ABCC2: variants seen among roughly 807,000 people sequenced by gnomAD.
The protein encoded by ABCC2 is ATP-binding cassette sub-family C member 2.
In ABCC2, 157 loss-of-function variants were observed where a neutral mutation model predicts 173.4. The ratio of observed to expected loss-of-function variants is 0.91; its 90% confidence interval spans 0.80 to 1.03. The LOEUF is 1.03. Ranked by LOEUF, ABCC2 falls within the 50% of genes least tolerant of loss-of-function variation. The probability of loss-of-function intolerance (pLI) is 0.00; values close to 1 mark genes in which losing one functional copy is unlikely to be tolerated. For missense variants in ABCC2, 1,822 were observed against 1,852.3 expected (o/e 0.98, Z 0.30); for synonymous variants, 657 against 693.5 (o/e 0.95, Z 0.83).
Position 99,819,202 on chromosome 10 carries a change from A to T in ABCC2, c.2553A>T (p.Lys851Asn). 6.2e-7 allele frequency: 1 copy of T among 1,614,194 alleles called. No homozygotes were observed. Among genetic ancestry groups the T allele is most frequent in the Non-Finnish European group, 8.5e-7 (1 of 1,180,038 alleles). ...GATCCTACAGTGCTCTCCTGGCCAA[A>T]AAAGGAGAGTTTGCTAAGAATCTGA... is the stretch of plus-strand genomic sequence containing the variant. ...EKGSYSALLAKKGEFAKNLKT... is the reference protein window; with the variant it reads ...EKGSYSALLANKGEFAKNLKT... Residue 851 changes from lysine to asparagine, a missense_variant, in exon 19 of 32, where the codon AAA becomes AAT. By Grantham distance (94) the Lys-to-Asn change is moderately conservative. Coordinates refer to ENST00000647814, the MANE Select transcript of ABCC2 (RefSeq NM_000392.5).
rs1418736265 is a variant in ABCC2 at position 99,817,623 on chromosome 10, G to A, written c.2271+139G>A. 4 of 956,722 alleles carry A rather than the reference G, an allele frequency of 4.2e-6. No individual in the cohort carries two copies. The African/African-American group carries it at 6.5e-5, about 15-fold the overall frequency. 59.3% of individuals were successfully genotyped at this position (956,722 alleles called of 1,614,324 possible). A position where few individuals can be genotyped will look rare whatever the true frequency, so the allele number is the denominator to read the frequency against. ...ATTTGGAATAAACACCAGAAATCAT[G>A]TGTTTGTACTAAGTGGCCACAATAT... On this transcript the variant is annotated intron_variant, in intron 17 of 31. Coordinates refer to ENST00000647814, the MANE Select transcript of ABCC2 (RefSeq NM_000392.5).
chr10:99,844,423 G>C lies in ABCC2; in HGVS notation c.3945G>C (p.Leu1315=). The C allele has an allele frequency of 1.2e-6, 2 of 1,614,172 alleles. No homozygotes were observed. Among genetic ancestry groups the C allele is most frequent in the Non-Finnish European group, 1.7e-6 (2 of 1,180,046 alleles). Residue 1315 remains leucine, a synonymous_variant, in exon 28 of 32, where the codon CTG becomes CTC. Coordinates refer to ENST00000647814, the MANE Select transcript of ABCC2 (RefSeq NM_000392.5). ...YQVRYRPELD[L]VLRGITCDIG... ...TGCGGTACCGACCTGAGCTGGATCT[G>C]GTCCTCAGAGGGATCACTTGTGACA...
chr10:99,805,417 G>A lies in ABCC2; in HGVS notation c.1500G>A (p.Lys500=). 1 of 1,613,970 alleles carries A rather than the reference G, an allele frequency of 6.2e-7. No individual in the cohort carries two copies. Among genetic ancestry groups the A allele is most frequent in the Non-Finnish European group, 8.5e-7 (1 of 1,179,930 alleles). ...TGAAGAATAAAGACAAACGTTTAAA[G>A]ATCATGAATGAGATTCTTAGTGGAA... ...KNMKNKDKRL[K]IMNEILSGIK... is the part of the protein sequence containing the mutation. Residue 500 remains lysine (K), a synonymous_variant, in exon 11 of 32, where the codon AAG becomes AAA. Coordinates refer to ENST00000647814, the MANE Select transcript of ABCC2 (RefSeq NM_000392.5).
chr10:99,831,924 A>G, intron 22 of ABCC2, 53 bp from the exon 23 acceptor site: 2 of 1,613,978 alleles, frequency 1.2e-6, no homozygotes, highest in Non-Finnish European at 1.7e-6. Context: ...TCCTGGGCAC[A>G]AGTCTTCAGG....
Position 99,801,398 on chromosome 10 carries a change from G to C in ABCC2, c.1209+835G>C, listed in dbSNP as rs183223059. Among the ~76,000 whole-genome samples the C allele has an allele frequency of 3.5e-3, 537 of 152,102 alleles. 5 individuals are homozygous for C. Among genetic ancestry groups the C allele is most frequent in the African/African-American group, 0.013 (521 of 41,514 alleles). On this transcript the variant is annotated intron_variant, in intron 9 of 31. Transcript: ENST00000647814. ...ACTACAGGCACGTGCCACCACGCCC[G>C]GCTAATTTTTTGTATTTTTAGTAGA...
chr10:99,787,114 G>A (rs1388048852), intron 2 of ABCC2, among the ~76,000 whole-genome samples: 1 of 150,708 alleles, frequency 6.6e-6, no homozygotes, highest in African/African-American at 2.4e-5. Context: ...GTTACAGTGA[G>A]CCAAGATCGT....
rs201029279 is a variant in ABCC2, at chr10:99,819,278, G to A, written c.2620+9G>A. ...TGAAGAGGAAGCCACAGGTATGTAAGAAGGATTGGGACAAGATAGAACTTG... is the reference window on the plus strand; with the variant it reads ...TGAAGAGGAAGCCACAGGTATGTAAAAAGGATTGGGACAAGATAGAACTTG... On this transcript the variant is annotated intron_variant, in intron 19 of 31. Coordinates refer to ENST00000647814, the MANE Select transcript of ABCC2 (RefSeq NM_000392.5). The A allele has an allele frequency of 6.2e-7, 1 of 1,611,296 alleles. No homozygotes were observed. Among genetic ancestry groups the A allele is most frequent in the East Asian group, 2.2e-5 (1 of 44,872 alleles).
At chr10:99,823,192 C>T (rs191653594) in intron 19 of ABCC2, among the ~76,000 whole-genome samples, 72 of 152,230 alleles carry the variant, frequency 4.7e-4, no homozygotes, top group African/African-American at 1.6e-3. Context: ...CAATGTTGTA[C>T]GATATCTTTT....
chr10:99,795,537 A>T (rs964044748), intron 6 of ABCC2, among the ~76,000 whole-genome samples: 7 of 151,832 alleles, frequency 4.6e-5, no homozygotes, highest in African/African-American at 1.7e-4. Context: ...TGTCTCCACT[A>T]AAAATACAAA....
chr10:99,800,502 A>C lies in ABCC2; in HGVS notation c.1148A>C (p.Gln383Pro), dbSNP rs753767218. 6.2e-7 allele frequency: 1 copy of C among 1,614,112 alleles called. No individual in the cohort carries two copies. Among genetic ancestry groups the C allele is most frequent in the Non-Finnish European group, 8.5e-7 (1 of 1,180,020 alleles). The change falls in exon 9 of 32, where the codon CAA becomes CCA. Residue 383 changes from glutamine (Q) to proline (P), a missense_variant. Transcript: ENST00000647814. ...TCTTTCTGCCTTCAGTGTTATTTCC[A>C]ACTGTGCTTCAAGCTGGGTGTAAAA... ...IQSFCLQCYF[Q>P]LCFKLGVKVR... is the part of the protein sequence containing the mutation.
At chr10:99,825,689 A>G (rs1219847560) in intron 19 of ABCC2, among the ~76,000 whole-genome samples, 1 of 152,118 alleles carries the variant, frequency 6.6e-6, no homozygotes, top group East Asian at 1.9e-4. Context: ...AACTCCTTTT[A>G]GATTTAGACT....
intron 7 of ABCC2, 142 bp downstream of exon 7, chr10:99,797,473 A>G (rs1490746976): frequency 4.7e-5 from 35 of 742,412 alleles, no homozygotes; most frequent in Non-Finnish European, 8.3e-5. Flanking sequence ...TATTCACAAT[A>G]CTGATACTAC....
chr10:99,828,458 T>C (rs1316146783), intron 19 of ABCC2, among the ~76,000 whole-genome samples: 1 of 152,216 alleles, frequency 6.6e-6, no homozygotes, highest in African/African-American at 2.4e-5. Flanking sequence ...TTCTGGAGGC[T>C]AGAAGGGCAA....
chr10:99,795,722 A>AGAAAGAAAGAAAGAAG (rs1177311171), intron 6 of ABCC2, among the ~76,000 whole-genome samples: 1 of 140,974 alleles, frequency 7.1e-6, no homozygotes, highest in Non-Finnish European at 1.5e-5. Flanking sequence ...GAGAGAGAGA[A>AGAAAGAAAGAAAGAAG]GAAAGAAAGA....
chr10:99,808,511 G>A (rs978715511), intron 13 of ABCC2, among the ~76,000 whole-genome samples: 1 of 152,130 alleles, frequency 6.6e-6, no homozygotes, highest in South Asian at 2.1e-4. Context: ...TTTAGTCCTA[G>A]TACTGGGAAC....
At chr10:99,827,192 T>C (rs995369575) in intron 19 of ABCC2, among the ~76,000 whole-genome samples, 1 of 152,254 alleles carries the variant, frequency 6.6e-6, no homozygotes, top group Non-Finnish European at 1.5e-5. Context: ...ATTGATAAGC[T>C]ACTGGCGGTT....
In ABCC2 at chr10:99,810,206, G is replaced by T; in HGVS notation, c.1888G>T (p.Asp630Tyr). 6.2e-7 allele frequency: 1 copy of T among 1,613,370 alleles called. No homozygotes were observed. Among genetic ancestry groups the T allele is most frequent in the South Asian group, 1.1e-5 (1 of 91,038 alleles). ...CTTGGACACATCTGCCATTCGACATGACTGCAATTTTGGTAAATAAATTTG... is the reference window on the plus strand; with the variant it reads ...CTTGGACACATCTGCCATTCGACATTACTGCAATTTTGGTAAATAAATTTG... ...DDLDTSAIRH[D>Y]CNFDKAMQFS... Residue 630 changes from aspartate to tyrosine, a missense_variant, in exon 14 of 32, where the codon GAC becomes TAC. Physicochemically the swap from Asp to Tyr is radical, Grantham distance 160 (BLOSUM62 -3). Transcript: ENST00000647814.
intron 20 of ABCC2, 79 bp from the exon 21 acceptor site, chr10:99,830,637 A>T (rs1032868258): frequency 6.2e-7 from 1 of 1,607,406 alleles, no homozygotes; most frequent in Non-Finnish European, 8.5e-7. Flanking sequence ...CTTTGATGCC[A>T]GCTGAGTGAC....
chr10:99,803,211 T>C (rs929722470), intron 9 of ABCC2, among the ~76,000 whole-genome samples: 2 of 152,202 alleles, frequency 1.3e-5, no homozygotes, highest in Non-Finnish European at 2.9e-5. Flanking sequence ...TCAGGTGATC[T>C]GCCTGCCTCG....
Sources: allele counts gnomAD v4.1 joint callset (sites outside exome capture counted in the v4.1 genomes callset), GRCh38; gene constraint gnomAD v4.1.1; transcripts MANE v1.5; gene names NCBI Gene and HGNC (gene_info 2026-07-23, HGNC 2026-07-21).